TMC6: variants seen among roughly 807,000 people sequenced by gnomAD.
TMC6 encodes transmembrane channel-like protein 6.
TMC6 carries 71 observed loss-of-function variants against 95.4 expected under a neutral mutation model. The ratio of observed to expected loss-of-function variants is 0.74; its 90% CI spans 0.61 to 0.91. The LOEUF (loss-of-function observed/expected upper bound fraction) is 0.91. TMC6 is among the 40% of genes least tolerant of loss of function. The probability of loss-of-function intolerance (pLI) is 0.00; values close to 1 mark genes in which losing one functional copy is unlikely to be tolerated. For synonymous variants in TMC6, 514 were observed against 483.1 expected (o/e 1.06, Z -0.84); for missense variants, 1,074 against 1,079.1 (o/e 1.00, Z 0.07).
intron 18 of TMC6, among the ~76,000 whole-genome samples, chr17:78,116,580 T>C (rs1293308830): frequency 2.0e-5 from 3 of 150,636 alleles, no homozygotes; most frequent in East Asian, 4.1e-4. Context: ...CGGTCAAACA[T>C]TGTTTTCTTC....
In TMC6 at chr17:78,124,655, T is replaced by C; in HGVS notation, c.760A>G (p.Thr254Ala). Residue 254 changes from threonine to alanine, a missense_variant, in exon 8 of 20, where the codon ACC (threonine) becomes GCC (alanine). Thr to Ala is a moderately conservative substitution (Grantham distance 58). Transcript: ENST00000590602. ...AGGAGGGCATTGAAAGCCAGCAGGG[T>C]CTTGAGAAAGAGGAAGTAGGAGAGC... ...SVLSYFLFLK[T>A]LLAFNALLLL... The C allele has an allele frequency of 6.2e-7, 1 of 1,611,312 alleles. No homozygotes were observed. The highest frequency in any genetic ancestry group is 8.5e-7 in the Non-Finnish European group (1 of 1,179,270).
At position 78,124,895 on chromosome 17, in the gene TMC6, G is replaced by A. The variant is rs776315196; in HGVS notation, c.627C>T (p.Cys209=). Residue 209 remains cysteine (C), a synonymous_variant, in exon 7 of 20, where the codon TGC becomes TGT. Coordinates refer to ENST00000590602, the MANE Select transcript of TMC6 (RefSeq NM_001127198.5). ...CSCCGRLRYA[C]VLALHSLGLA... The stretch of plus-strand genomic sequence containing the variant: ...GCAGACCAGGGGCCCATACCAGCAC[G>A]CAGGCATATCTGAGCCGGCCACAGC... 17 of 1,596,688 alleles carry A rather than the reference G, an allele frequency of 1.1e-5. No individual in the cohort carries two copies. Among genetic ancestry groups the A allele is most frequent in the African/African-American group, 4.0e-5 (3 of 74,712 alleles).
intron 18 of TMC6, 99 bp from the exon 19 acceptor site, chr17:78,113,723 T>A (rs1023547193): frequency 1.6e-6 from 2 of 1,233,128 alleles, no homozygotes. Flanking sequence ...TCACGAGGTG[T>A]ATTCAACATC....
chr17:78,132,092 A>T (rs1217529662), upstream of TMC6: 7 of 1,532,680 alleles, frequency 4.6e-6, no homozygotes, highest in Non-Finnish European at 6.1e-6. Context: ...CCCAGATCGG[A>T]AAAAGGAGAG....
intron 15 of TMC6, 122 bp downstream of exon 15, chr17:78,118,849 C>T (rs571969566): frequency 8.0e-6 from 9 of 1,129,712 alleles, no homozygotes; most frequent in Admixed American, 8.0e-5. Flanking sequence ...AGCCCCGAGC[C>T]GCCAGCCCCA....
At position 78,109,700 on chromosome 17, in the gene TMC6, C is replaced by T. The variant is rs981402049; in HGVS notation, c.*3448G>A. 2.6e-6 allele frequency: 1 copy of T among 380,458 alleles called. No individual in the cohort carries two copies. The highest frequency in any genetic ancestry group is 2.1e-5 in the African/African-American group (1 of 48,012). The allele number at this position is 380,458 out of a possible 1,614,324, so 23.6% of individuals were successfully genotyped here. A position where few individuals can be genotyped will look rare whatever the true frequency, so the allele number is the denominator to read the frequency against. ...GAGTGCATGCATGCGTTTGTGACAG[C>T]CTGGTGCTCGGATGGGCCCAGAGCA... On this transcript the variant is annotated 3_prime_UTR_variant, in exon 20 of 20. Coordinates refer to ENST00000590602, the MANE Select transcript of TMC6 (RefSeq NM_001127198.5).
rs759497226 is a variant in TMC6, at chr17:78,121,002, C to G, written c.1535+11G>C. 6.2e-7 allele frequency: 1 copy of G among 1,613,278 alleles called. No homozygotes were observed. Among genetic ancestry groups the G allele is most frequent in the South Asian group, 1.1e-5 (1 of 91,090 alleles). Reference sequence around the variant, plus strand: ...CAGCACCAAATGATGTTTTCATGTGCGGCCACACACCTGCAGATGGCCACG... The same window carrying G: ...CAGCACCAAATGATGTTTTCATGTGGGGCCACACACCTGCAGATGGCCACG... On this transcript the variant is annotated intron_variant, in intron 12 of 19. Coordinates refer to ENST00000590602, the MANE Select transcript of TMC6 (RefSeq NM_001127198.5). The surrounding 1 kb of genome is among the most constrained non-coding windows in gnomAD (Gnocchi z 5.6).
At position 78,122,586 on chromosome 17, in the gene TMC6, G is replaced by A. The variant is rs760516850; in HGVS notation, c.1227+19C>T. On this transcript the variant is annotated intron_variant, in intron 10 of 19. Transcript: ENST00000590602. This position sits in a 1 kb window ranked among gnomAD's most constrained non-coding sequence, Gnocchi z 4.9. ...GCAGGGAGCTGGGCAGGCCAGCTTG[G>A]TGCTCCGGGGCCACTCACCTTCAGC... The A allele has an allele frequency of 1.9e-6, 3 of 1,606,954 alleles. No homozygotes were observed. In the South Asian group the frequency reaches 3.3e-5, roughly 18 times the overall value.
intron 15 of TMC6, 95 bp from the exon 16 acceptor site, chr17:78,118,030 G>C: frequency 6.5e-7 from 1 of 1,539,250 alleles, no homozygotes; most frequent in Non-Finnish European, 8.7e-7. Context: ...GACCAGGGCT[G>C]TGCGTCCAGG....
upstream of TMC6, chr17:78,132,396 C>T: frequency 6.2e-7 from 1 of 1,613,082 alleles, no homozygotes; most frequent in Non-Finnish European, 8.5e-7. Context: ...ACTTCACCTT[C>T]CTCCGCTTCC....
chr17:78,114,556 C>G (rs1043646005), intron 18 of TMC6, among the ~76,000 whole-genome samples: 1 of 151,964 alleles, frequency 6.6e-6, no homozygotes, highest in Admixed American at 6.6e-5. Context: ...TCTGGTGCAC[C>G]GAAACACTGA....
At position 78,126,747 on chromosome 17, in the gene TMC6, G is replaced by C. The variant is rs1219325725; in HGVS notation, c.56+30C>G. 2.5e-6 allele frequency: 4 copies of C among 1,612,010 alleles called. 1 individual carries two copies. Among genetic ancestry groups the C allele is most frequent in the Non-Finnish European group, 3.4e-6 (4 of 1,179,168 alleles). On this transcript the variant is annotated intron_variant, in intron 2 of 19. Coordinates refer to ENST00000590602, the MANE Select transcript of TMC6 (RefSeq NM_001127198.5). The stretch of plus-strand genomic sequence containing the variant: ...TCTCCGTGGGGGGTGGAACATTCCA[G>C]CCTCCAGCCCCCAGCCCCAGAGCGC...
intron 13 of TMC6, chr17:78,119,922 A>G: frequency 3.0e-6 from 1 of 337,338 alleles, no homozygotes; most frequent in Non-Finnish European, 5.7e-6. Context: ...TGCTGGGATT[A>G]CAGGCGTGAG....
chr17:78,124,163 G>A lies in TMC6; in HGVS notation c.908C>T (p.Thr303Ile), dbSNP rs778809733. ...LLTGAGCFTHTVMYYGHYSNA... is the reference protein window; with the variant it reads ...LLTGAGCFTHIVMYYGHYSNA... ...ACTGTAGTGGCCGTAGTACATGACG[G>A]TGTGGGTGAAGCAACCCTGCCACAG... is the stretch of plus-strand genomic sequence containing the variant. The change falls in exon 9 of 20, where the codon ACC (threonine) becomes ATC (isoleucine). Residue 303 changes from threonine (T) to isoleucine (I), a missense_variant. Physicochemically the swap from Thr to Ile is moderately conservative, Grantham distance 89. Transcript: ENST00000590602. 2.5e-6 allele frequency: 4 copies of A among 1,611,750 alleles called. No homozygotes were observed. In the Admixed American group the frequency reaches 6.7e-5, roughly 27 times the overall value.
At chr17:78,115,432 G>T (rs565851053) in intron 18 of TMC6, among the ~76,000 whole-genome samples, 1 of 152,286 alleles carries the variant, frequency 6.6e-6, no homozygotes, top group South Asian at 2.1e-4. Context: ...GGGAGCCCTA[G>T]GGGGAGGGCA....
At position 78,124,950 on chromosome 17, in the gene TMC6, C is replaced by T. The variant is rs34712518; in HGVS notation, c.572G>A (p.Gly191Asp). The T allele has an allele frequency of 0.069, 111,076 of 1,598,844 alleles. 4,431 individuals are homozygous for T. The highest frequency in any genetic ancestry group is 0.18 in the African/African-American group (13,125 of 74,854). ...GCAGACCCCGCCGCTGCCCGGCTGG[C>T]CCCTCCACTTCCCCCTCGGGGTCCT... ...KSRTPRGKWR[G>D]QPGSGGVCSC... is the part of the protein sequence containing the mutation. The change falls in exon 7 of 20, where the codon GGC (glycine) becomes GAC (aspartate). Residue 191 changes from glycine to aspartate, a missense_variant. Coordinates refer to ENST00000590602, the MANE Select transcript of TMC6 (RefSeq NM_001127198.5).
rs1394256732 is a variant in TMC6 at position 78,111,204 on chromosome 17, C to G, written c.*1944G>C. On this transcript the variant is annotated 3_prime_UTR_variant, in exon 20 of 20. Coordinates refer to ENST00000590602, the MANE Select transcript of TMC6 (RefSeq NM_001127198.5). ...ACCTCGGCCCCTCTCGATGAGATCA[C>G]TGGGCCCCACAGCCTGGCCTGGTTG... 1 of 152,334 alleles carries G rather than the reference C, an allele frequency of 6.6e-6. No individual in the cohort carries two copies. Among genetic ancestry groups the G allele is most frequent in the Non-Finnish European group, 1.5e-5 (1 of 68,098 alleles). The allele number at this position is 152,334 out of a possible 1,614,324, so 9.4% of individuals were successfully genotyped here. A position where few individuals can be genotyped will look rare whatever the true frequency, so the allele number is the denominator to read the frequency against.
rs1368995386 is a variant in TMC6 at position 78,125,007 on chromosome 17, G to A, written c.537-22C>T. The stretch of plus-strand genomic sequence containing the variant: ...CTCTCTGGGGACAGAGGCAGCCATA[G>A]GTGCCTGGACCAATGAGGGGCCTGA... On this transcript the variant is annotated intron_variant, in intron 6 of 19. Transcript: ENST00000590602. 7 of 1,567,930 alleles carry A rather than the reference G, an allele frequency of 4.5e-6. No homozygotes were observed. The Admixed American group carries it at 1.1e-4, about 25-fold the overall frequency.
chr17:78,113,341 G>A, intron 19 of TMC6, 130 bp from the exon 20 acceptor site: 3 of 1,278,888 alleles, frequency 2.3e-6, no homozygotes, highest in Non-Finnish European at 3.3e-6. Flanking sequence ...ATGTATTTTA[G>A]GTCCCTGTCA....
Sources: gnomAD v4.1 joint callset for allele counts (sites outside exome capture counted in the v4.1 genomes callset) on GRCh38, gnomAD v4.1.1 for gene constraint, Gnocchi (gnomAD v3.1) non-coding constraint, MANE v1.5 for transcripts, NCBI Gene and HGNC (gene_info 2026-07-23, HGNC 2026-07-21) for gene names.